Variants in ASB4 observed in about 807,000 individuals in gnomAD.
ASB4 encodes ankyrin repeat and SOCS box containing 4, also known as ankyrin repeat and SOCS box protein 4.
Under a neutral mutation model 38.6 loss-of-function variants are expected in ASB4, and 35 were observed. That is an observed-to-expected ratio of 0.91 (90% CI 0.69 to 1.20). The LOEUF is 1.20. Among genes scored for constraint, ASB4 ranks in the 50% most tolerant of loss-of-function variants. The pLI, the probability that ASB4 is intolerant of heterozygous loss-of-function variation, is 0.00. For synonymous variants in ASB4, 195 were observed against 201.3 expected (o/e 0.97, Z 0.26); for missense variants, 557 against 527.2 (o/e 1.06, Z -0.55).
upstream of ASB4, among the ~76,000 whole-genome samples, chr7:95,476,624 T>C (rs1198709174): frequency 1.3e-5 from 2 of 152,194 alleles, no homozygotes; most frequent in African/African-American, 2.4e-5. Flanking sequence ...AGCTGCTGCT[T>C]TAACCTCCAT....
chr7:95,491,262 C>G (rs916856588), intron 1 of ASB4, among the ~76,000 whole-genome samples: 2 of 152,098 alleles, frequency 1.3e-5, no homozygotes, highest in African/African-American at 4.8e-5. Flanking sequence ...TTCTTTTCTT[C>G]TTAGTGGAGC....
At chr7:95,546,325 A>G in the ASB4 span, among the ~76,000 whole-genome samples, 1 of 152,220 alleles carries the variant, frequency 6.6e-6, no homozygotes, top group Non-Finnish European at 1.5e-5. Context: ...ACTGAAGGAA[A>G]TCTGCCCATT....
chr7:95,522,684 A>G (rs1790680441), intron 2 of ASB4, among the ~76,000 whole-genome samples: 1 of 152,168 alleles, frequency 6.6e-6, no homozygotes, highest in Non-Finnish European at 1.5e-5. Context: ...CTTTTCAAGA[A>G]ATCAAGACCA....
At chr7:95,536,661 G>C (rs74990682) in intron 4 of ASB4, 111 bp downstream of exon 4, 8 of 611,084 alleles carry the variant, frequency 1.3e-5, no homozygotes, top group Admixed American at 5.9e-5. Flanking sequence ...CCTTTAAAGC[G>C]TACTCAAATG....
the ASB4 span, among the ~76,000 whole-genome samples, chr7:95,473,177 C>A: frequency 6.6e-6 from 1 of 152,188 alleles, no homozygotes; most frequent in Non-Finnish European, 1.5e-5. Context: ...TTTCTCACCT[C>A]TATCCGTCAG....
chr7:95,528,159 C>T lies in ASB4; in HGVS notation c.834C>T (p.Ala278=). ...MHMMLEAGAE[A]NLMDINGCAA... ...TGATGCTGGAAGCTGGCGCCGAAGC[C>T]AATCTCATGGATATCAACGGCTGTG... is the stretch of plus-strand genomic sequence containing the variant. Residue 278 remains alanine, a synonymous_variant, in exon 3 of 5, where the codon GCC becomes GCT. Transcript: ENST00000325885. The T allele has an allele frequency of 1.2e-6, 2 of 1,614,206 alleles. No homozygotes were observed. Among genetic ancestry groups the T allele is most frequent in the South Asian group, 1.1e-5 (1 of 91,076 alleles).
upstream of ASB4, among the ~76,000 whole-genome samples, chr7:95,484,358 T>C (rs1297007895): frequency 6.6e-6 from 1 of 152,074 alleles, no homozygotes; most frequent in Non-Finnish European, 1.5e-5. Context: ...AAAACTAATC[T>C]ATAGTATTAG....
At chr7:95,494,657 C>T (rs997515970) in intron 1 of ASB4, among the ~76,000 whole-genome samples, 11 of 152,072 alleles carry the variant, frequency 7.2e-5, no homozygotes, top group African/African-American at 2.2e-4. Context: ...ACCTATTTTC[C>T]GTTCTCCATT....
chr7:95,537,750 T>C lies in ASB4; in HGVS notation c.1272T>C (p.Ile424=). ...KKYLLLEPEG[I]IY ...ACTTGCTTTTAGAGCCAGAGGGAAT[T>C]ATTTATTAAGCCTTATGAGACAGCA... Residue 424 remains isoleucine, a synonymous_variant, in exon 5 of 5, where the codon ATT becomes ATC. Coordinates refer to ENST00000325885, the MANE Select transcript of ASB4 (RefSeq NM_016116.3). The C allele has an allele frequency of 3.1e-6, 5 of 1,613,460 alleles. No individual in the cohort carries two copies. The highest frequency in any genetic ancestry group is 2.5e-6 in the Non-Finnish European group (3 of 1,179,534).
At chr7:95,485,920 CG>C, upstream of ASB4, 1 of 1,533,630 alleles carries the variant, frequency 6.5e-7, no homozygotes, top group Non-Finnish European at 8.9e-7. Context: ...CCTGTTTGCT[CG>C]GTGCTGTTCT....
chr7:95,526,352 G>T (rs1326602205), intron 2 of ASB4, among the ~76,000 whole-genome samples: 1 of 152,164 alleles, frequency 6.6e-6, no homozygotes, highest in Non-Finnish European at 1.5e-5. Context: ...CAGCACAGCA[G>T]CTCCCCCCAG....
At chr7:95,527,454 G>A (rs1192635284) in intron 2 of ASB4, among the ~76,000 whole-genome samples, 1 of 152,198 alleles carries the variant, frequency 6.6e-6, no homozygotes, top group Non-Finnish European at 1.5e-5. Context: ...AATGATATTA[G>A]CAAATATCAT....
chr7:95,496,144 G>A, intron 2 of ASB4, 87 bp downstream of exon 2: 2 of 1,293,286 alleles, frequency 1.5e-6, no homozygotes, highest in Non-Finnish European at 2.2e-6. Flanking sequence ...CCCAGATGAT[G>A]TAGTAAGCAT....
chr7:95,520,875 T>C (rs1790652972), intron 2 of ASB4, among the ~76,000 whole-genome samples: 1 of 152,186 alleles, frequency 6.6e-6, no homozygotes, highest in South Asian at 2.1e-4. Context: ...CTTTGATATT[T>C]GGTGGGGTAA....
At chr7:95,512,274 T>C (rs1010989086) in intron 2 of ASB4, among the ~76,000 whole-genome samples, 1 of 152,220 alleles carries the variant, frequency 6.6e-6, no homozygotes. Context: ...ATTCCATTCA[T>C]GAGGGCAAAA....
intron 2 of ASB4, among the ~76,000 whole-genome samples, chr7:95,515,225 CTT>C (rs1411721877): frequency 9.3e-6 from 1 of 107,220 alleles, no homozygotes; most frequent in Non-Finnish European, 1.9e-5. Context: ...TTCTTTCTTT[CTT>C]TCTTTTTCTT....
At chr7:95,524,805 C>A (rs1387565899) in intron 2 of ASB4, among the ~76,000 whole-genome samples, 1 of 152,166 alleles carries the variant, frequency 6.6e-6, no homozygotes, top group Non-Finnish European at 1.5e-5. Context: ...ACCCTCTAAC[C>A]AGCCTGTGCA....
At chr7:95,473,387 G>A in the ASB4 span, among the ~76,000 whole-genome samples, 1 of 152,224 alleles carries the variant, frequency 6.6e-6, no homozygotes, top group African/African-American at 2.4e-5. Flanking sequence ...AAGGCACAGA[G>A]AGGGTAAGCA....
chr7:95,545,732 T>C, the ASB4 span, among the ~76,000 whole-genome samples: 2 of 152,354 alleles, frequency 1.3e-5, no homozygotes, highest in Admixed American at 1.3e-4. Context: ...ATAGCATTTG[T>C]TGTCTTTCTA....
Sources: allele counts gnomAD v4.1 joint callset (sites outside exome capture counted in the v4.1 genomes callset), GRCh38; gene constraint gnomAD v4.1.1; transcripts MANE v1.5; gene names NCBI Gene and HGNC (gene_info 2026-07-23, HGNC 2026-07-21).